The following STYX variants were observed in gnomAD, a reference collection of about 807,000 sequenced individuals.
STYX encodes the protein serine/threonine/tyrosine-interacting protein.
In STYX, 20 loss-of-function variants were observed where a neutral mutation model predicts 42.7. The ratio of observed to expected loss-of-function variants is 0.47; its 90% CI spans 0.33 to 0.68. The LOEUF (loss-of-function observed/expected upper bound fraction) is 0.68. Among genes scored for constraint, STYX ranks in the 30% least tolerant of loss-of-function variants. The pLI, the probability that STYX is intolerant of heterozygous loss-of-function variation, is 0.02. For synonymous variants in STYX, 78 were observed against 81.9 expected, an observed-to-expected ratio of 0.95 and a Z score of 0.26; for missense variants, 226 against 268.5, an observed-to-expected ratio of 0.84 and a Z score of 1.11.
chr14:52,765,810 ACT>A (rs980618727), intron 9 of STYX, among the ~76,000 whole-genome samples: 8 of 151,760 alleles, frequency 5.3e-5, no homozygotes, highest in Admixed American at 2.6e-4. Flanking sequence ...CTCCTGTGAG[ACT>A]CTAATGCTGC....
At position 52,771,212 on chromosome 14, in the gene STYX, T is replaced by G. The variant is rs1172866166; in HGVS notation, c.*106T>G. ...AAAACATAAGTAGTTTTTTTTTCAATTACATGTTGCTTCCAGACATACTTC... is the reference window on the plus strand; with the variant it reads ...AAAACATAAGTAGTTTTTTTTTCAAGTACATGTTGCTTCCAGACATACTTC... On this transcript the variant is annotated 3_prime_UTR_variant, in exon 11 of 11. Transcript: ENST00000354586. The G allele has an allele frequency of 4.9e-6, 5 of 1,029,746 alleles. No homozygotes were observed. The highest frequency in any genetic ancestry group is 7.0e-6 in the Non-Finnish European group (5 of 712,258). 63.8% of individuals were successfully genotyped at this position (1,029,746 alleles called of 1,614,324 possible).
At chr14:52,740,044 C>T (rs996805145) in intron 1 of STYX, among the ~76,000 whole-genome samples, 2 of 152,048 alleles carry the variant, frequency 1.3e-5, no homozygotes, top group Non-Finnish European at 2.9e-5. Context: ...TTTGAGAGGC[C>T]GAGGCAGGTG....
At chr14:52,742,622 T>C (rs1881236244) in intron 1 of STYX, among the ~76,000 whole-genome samples, 1 of 152,178 alleles carries the variant, frequency 6.6e-6, no homozygotes, top group African/African-American at 2.4e-5. Context: ...TTCAGTGTGC[T>C]GAGCAGAGGA....
At chr14:52,769,346 A>AAAT (rs1882428267) in intron 10 of STYX, among the ~76,000 whole-genome samples, 1 of 152,122 alleles carries the variant, frequency 6.6e-6, no homozygotes, top group Admixed American at 6.6e-5. Context: ...GCATGCTCTT[A>AAAT]AAATCTTCCT....
At chr14:52,735,317 A>G (rs1880906752) in intron 1 of STYX, among the ~76,000 whole-genome samples, 1 of 152,156 alleles carries the variant, frequency 6.6e-6, no homozygotes, top group African/African-American at 2.4e-5. Context: ...ATCTAGAGGA[A>G]TTGCCCAATT....
chr14:52,771,344 C>T lies in STYX; in HGVS notation c.*238C>T. On this transcript the variant is annotated 3_prime_UTR_variant, in exon 11 of 11. Transcript: ENST00000354586. ...ACACATGCGCGCGCACACACACATGCTTTACAAGTTTTATTATAAACCAAG... is the reference window on the plus strand; with the variant it reads ...ACACATGCGCGCGCACACACACATGTTTTACAAGTTTTATTATAAACCAAG... 2.8e-6 allele frequency: 1 copy of T among 352,194 alleles called. No individual in the cohort carries two copies. Among genetic ancestry groups the T allele is most frequent in the South Asian group, 9.5e-5 (1 of 10,490 alleles). 21.8% of individuals were successfully genotyped at this position (352,194 alleles called of 1,614,324 possible).
intron 1 of STYX, among the ~76,000 whole-genome samples, chr14:52,739,032 C>T (rs2139883913): frequency 6.7e-6 from 1 of 149,578 alleles, no homozygotes; most frequent in African/African-American, 2.5e-5. Context: ...CATAATGAAT[C>T]TGTATACCTT....
At chr14:52,757,123 T>G (rs1261874360) in intron 5 of STYX, among the ~76,000 whole-genome samples, 196 bp from the exon 6 acceptor site, 2 of 152,224 alleles carry the variant, frequency 1.3e-5, no homozygotes, top group Non-Finnish European at 2.9e-5. Flanking sequence ...TGTGAATGTA[T>G]TGGACTTAAA....
chr14:52,746,605 T>C (rs1314958713), intron 3 of STYX, 126 bp downstream of exon 3: 1 of 753,098 alleles, frequency 1.3e-6, no homozygotes, highest in African/African-American at 1.9e-5. Flanking sequence ...ACAGTAATTG[T>C]CACTCTGGAG....
chr14:52,764,224 C>T (rs1039898487), intron 9 of STYX, among the ~76,000 whole-genome samples: 4 of 152,128 alleles, frequency 2.6e-5, no homozygotes, highest in African/African-American at 9.7e-5. Flanking sequence ...AACTCCTGAC[C>T]TCATGATCCT....
chr14:52,741,160 T>C (rs1467287708), intron 1 of STYX, among the ~76,000 whole-genome samples: 1 of 151,604 alleles, frequency 6.6e-6, no homozygotes, highest in Non-Finnish European at 1.5e-5. Flanking sequence ...CTACAATAAA[T>C]AAAGCTGCTA....
At chr14:52,740,282 A>C (rs1380743838) in intron 1 of STYX, among the ~76,000 whole-genome samples, 3 of 152,226 alleles carry the variant, frequency 2.0e-5, no homozygotes, top group Non-Finnish European at 4.4e-5. Context: ...CTCCGTCTCA[A>C]AAAGAAAAAA....
intron 1 of STYX, among the ~76,000 whole-genome samples, chr14:52,735,539 CTATT>C (rs1566667969): frequency 6.6e-6 from 1 of 152,090 alleles, no homozygotes; most frequent in African/African-American, 2.4e-5. Context: ...CATAAATAAA[CTATT>C]AAATAGGAGC....
At chr14:52,731,433 CTTTTTT>C (rs34855760) in intron 1 of STYX, among the ~76,000 whole-genome samples, 2 of 105,626 alleles carry the variant, frequency 1.9e-5, no homozygotes, top group Non-Finnish European at 3.6e-5. Context: ...TGGAGGTTCA[CTTTTTT>C]TTTTTTTTTT....
intron 9 of STYX, among the ~76,000 whole-genome samples, chr14:52,768,160 T>A (rs1041756340): frequency 5.9e-5 from 9 of 152,204 alleles, no homozygotes; most frequent in Admixed American, 4.6e-4. Flanking sequence ...TTATCTGCTA[T>A]GCCTAGCTTA....
At chr14:52,742,577 A>G (rs1179462695) in intron 1 of STYX, among the ~76,000 whole-genome samples, 1 of 152,192 alleles carries the variant, frequency 6.6e-6, no homozygotes, top group Admixed American at 6.6e-5. Flanking sequence ...TTCATGAATC[A>G]GGCAGTGTGT....
At chr14:52,750,660 C>T (rs769542548) in intron 3 of STYX, 23 bp from the exon 4 acceptor site, 4 of 1,398,692 alleles carry the variant, frequency 2.9e-6, no homozygotes, top group East Asian at 2.4e-5. Flanking sequence ...CCCTGTCCTC[C>T]CCCTGCTTTT....
At chr14:52,770,460 A>G (rs1362682905) in intron 10 of STYX, among the ~76,000 whole-genome samples, 1 of 152,086 alleles carries the variant, frequency 6.6e-6, no homozygotes, top group Non-Finnish European at 1.5e-5. Context: ...ATACAGAGAT[A>G]GCTTTGATTC....
rs980291943 is a variant in STYX at position 52,766,102 on chromosome 14, T to A, written c.505-2738T>A. On this transcript the variant is annotated intron_variant, in intron 9 of 10. Coordinates refer to ENST00000354586, the MANE Select transcript of STYX (RefSeq NM_145251.4). ...GCCTTGACCTCCTGGGCTCAAGTGA[T>A]CTTCCCACCCTAGCTTCCTAAGTAG... is the stretch of plus-strand genomic sequence containing the variant. Among the ~76,000 whole-genome samples, 12 of 152,234 alleles carry A rather than the reference T, an allele frequency of 7.9e-5. No individual in the cohort carries two copies. The South Asian group carries it at 8.3e-4, about 11-fold the overall frequency.
Sources: gnomAD v4.1 joint callset for allele counts (sites outside exome capture counted in the v4.1 genomes callset) on GRCh38, gnomAD v4.1.1 for gene constraint, MANE v1.5 for transcripts, NCBI Gene and HGNC (gene_info 2026-07-23, HGNC 2026-07-21) for gene names.